MARCHF8: variants seen among roughly 807,000 people sequenced by gnomAD.
The protein encoded by MARCHF8 is E3 ubiquitin-protein ligase MARCHF8.
MARCHF8 carries 40 observed loss-of-function variants against 51.6 expected under a neutral mutation model. The observed-to-expected ratio is 0.77, with a 90% CI of 0.60 to 1.01. The LOEUF (loss-of-function observed/expected upper bound fraction) is 1.01, where lower values mean the gene tolerates loss of function less well. MARCHF8 is among the 50% of genes least tolerant of loss of function. The probability of loss-of-function intolerance (pLI) is 0.00; values close to 1 mark genes in which losing one functional copy is unlikely to be tolerated. For missense variants in MARCHF8, 685 were observed against 708.6 expected, an observed-to-expected ratio of 0.97 and a Z score of 0.38; for synonymous variants, 263 against 280.3, an observed-to-expected ratio of 0.94 and a Z score of 0.62.
intron 2 of MARCHF8, among the ~76,000 whole-genome samples, chr10:45,495,376 A>G (rs2043154506): frequency 6.6e-6 from 1 of 151,916 alleles, no homozygotes; most frequent in Non-Finnish European, 1.5e-5. Context: ...CTCATTGTTT[A>G]ATAGAAGACA....
Position 45,458,499 on chromosome 10 carries a change from T to TTTA in MARCHF8, c.1461_1462insTAA (p.Ala487_Ile488insTer). ...AAAAGAAGTCCTCCGGTGAAGCCGA[T>TTTA]GGCCACAACCACCAATTTAGTCCAA... On this transcript the variant is annotated stop_gained and inframe_insertion, in exon 8 of 8. Transcript: ENST00000453424. LOFTEE classifies it high-confidence loss of function. 6.2e-7 allele frequency: 1 copy of TTTA among 1,611,176 alleles called. No homozygotes were observed. Among genetic ancestry groups the TTTA allele is most frequent in the Non-Finnish European group, 8.5e-7 (1 of 1,179,008 alleles).
chr10:45,574,835 C>T (rs1006475838), intron 1 of MARCHF8, among the ~76,000 whole-genome samples: 10 of 152,044 alleles, frequency 6.6e-5, no homozygotes, highest in Admixed American at 3.9e-4. Flanking sequence ...TTCTGCCCAC[C>T]CCACTACCTC....
At chr10:45,556,750 G>A (rs2044255656) in intron 1 of MARCHF8, among the ~76,000 whole-genome samples, 1 of 152,158 alleles carries the variant, frequency 6.6e-6, no homozygotes, top group Admixed American at 6.5e-5. Context: ...CCCAGGAAGT[G>A]CTCAATAAAT....
chr10:45,552,961 A>C (rs1028778035), intron 1 of MARCHF8, among the ~76,000 whole-genome samples: 1 of 152,246 alleles, frequency 6.6e-6, no homozygotes, highest in Non-Finnish European at 1.5e-5. Flanking sequence ...TATTTCTATA[A>C]AACCTATGTT....
chr10:45,488,606 C>A (rs536730721), intron 3 of MARCHF8, among the ~76,000 whole-genome samples: 1 of 152,302 alleles, frequency 6.6e-6, no homozygotes, highest in South Asian at 2.1e-4. Flanking sequence ...ACTGCTCCTG[C>A]CAACAGAAGG....
At chr10:45,458,686 G>T in intron 7 of MARCHF8, 143 bp from the exon 8 acceptor site, 1 of 896,878 alleles carries the variant, frequency 1.1e-6, no homozygotes, top group Non-Finnish European at 1.6e-6. Context: ...TGTTGCCCAG[G>T]CTGGAGTGCA....
intron 1 of MARCHF8, among the ~76,000 whole-genome samples, chr10:45,533,628 A>G (rs1034153025): frequency 1.3e-5 from 2 of 152,140 alleles, no homozygotes; most frequent in African/African-American, 4.8e-5. Context: ...TATCATGACC[A>G]AGCATTTGTC....
intron 2 of MARCHF8, among the ~76,000 whole-genome samples, chr10:45,525,620 G>A (rs976082932): frequency 6.6e-6 from 1 of 152,144 alleles, no homozygotes; most frequent in African/African-American, 2.4e-5. Context: ...TACAAAAGGG[G>A]AGAAAAAGAG....
chr10:45,523,158 C>T (rs1421537851), intron 2 of MARCHF8, among the ~76,000 whole-genome samples: 1 of 152,166 alleles, frequency 6.6e-6, no homozygotes, highest in Non-Finnish European at 1.5e-5. Context: ...AATAACATCA[C>T]ATATCAAAAG....
At chr10:45,570,552 A>G (rs754310119) in intron 1 of MARCHF8, among the ~76,000 whole-genome samples, 19 of 152,344 alleles carry the variant, frequency 1.2e-4, no homozygotes, top group Middle Eastern at 3.4e-3. Flanking sequence ...GCAACATGGC[A>G]AAGATAGTGA....
chr10:45,557,437 G>A lies in MARCHF8; in HGVS notation c.-78-24148C>T, dbSNP rs147528980. Among the ~76,000 whole-genome samples, 4 of 152,076 alleles carry A rather than the reference G, an allele frequency of 2.6e-5. No individual in the cohort carries two copies. In the East Asian group the frequency reaches 7.7e-4, roughly 29 times the overall value. Reference sequence around the variant, plus strand: ...AGACACCACGCCTGGCCCAAAAGGTGCTTATTCTTAATACTTCCTACCCAT... The same window carrying A: ...AGACACCACGCCTGGCCCAAAAGGTACTTATTCTTAATACTTCCTACCCAT... On this transcript the variant is annotated intron_variant, in intron 1 of 6. Coordinates refer to the MARCHF8 transcript ENST00000319836.
Position 45,458,470 on chromosome 10 carries a change from C to A in MARCHF8, c.1491G>T (p.Met497Ile). Residue 497 changes from methionine to isoleucine, a missense_variant, in exon 8 of 8, where the codon ATG becomes ATT. Coordinates refer to ENST00000453424, the MANE Select transcript of MARCHF8 (RefSeq NM_001282866.2). ...GCACATACACTTTACACTGAACATACATAAAAAGAAGTCCTCCGGTGAAGC... is the reference window on the plus strand; with the variant it reads ...GCACATACACTTTACACTGAACATAAATAAAAAGAAGTCCTCCGGTGAAGC... ...AIGFTGGLLF[M>I]YVQCKVYVQL... 1 of 1,613,562 alleles carries A rather than the reference C, an allele frequency of 6.2e-7. No individual in the cohort carries two copies. The highest frequency in any genetic ancestry group is 8.5e-7 in the Non-Finnish European group (1 of 1,179,860).
chr10:45,494,888 G>A (rs1299435465), intron 2 of MARCHF8, among the ~76,000 whole-genome samples: 1 of 152,220 alleles, frequency 6.6e-6, no homozygotes, highest in African/African-American at 2.4e-5. Context: ...GGGAGGCCGA[G>A]GTGGGAGGAT....
intron 2 of MARCHF8, among the ~76,000 whole-genome samples, chr10:45,505,342 C>A (rs934520128): frequency 6.6e-6 from 1 of 152,224 alleles, no homozygotes; most frequent in Non-Finnish European, 1.5e-5. Flanking sequence ...CAAGAGACTG[C>A]CTGACTTCAC....
At chr10:45,572,759 T>C (rs578049502) in intron 1 of MARCHF8, among the ~76,000 whole-genome samples, 2 of 152,086 alleles carry the variant, frequency 1.3e-5, no homozygotes, top group African/African-American at 2.4e-5. Flanking sequence ...TACTGACCCA[T>C]CTGACCTCTC....
chr10:45,588,998 C>CAAAAA (rs72350925), intron 1 of MARCHF8, among the ~76,000 whole-genome samples: 2 of 87,672 alleles, frequency 2.3e-5, no homozygotes, highest in Non-Finnish European at 4.3e-5. Context: ...GACTACGTTT[C>CAAAAA]AAAAAAAAAA....
chr10:45,508,332 G>GT (rs1188284545), intron 2 of MARCHF8, among the ~76,000 whole-genome samples: 1 of 114,294 alleles, frequency 8.7e-6, no homozygotes, highest in East Asian at 2.6e-4. Flanking sequence ...TTCTTTCACA[G>GT]TAAAAAAAAA....
intron 1 of MARCHF8, among the ~76,000 whole-genome samples, chr10:45,579,332 T>A: frequency 6.6e-6 from 1 of 150,542 alleles, no homozygotes; most frequent in East Asian, 1.9e-4. Context: ...AAGTTACACA[T>A]AAAGCAAAAG....
intron 3 of MARCHF8, among the ~76,000 whole-genome samples, chr10:45,481,682 C>T (rs182038170): frequency 6.6e-6 from 1 of 152,266 alleles, no homozygotes; most frequent in Admixed American, 6.5e-5. Flanking sequence ...TCCCCAGCCA[C>T]ATGGAACTGT....
Sources: allele counts gnomAD v4.1 joint callset (sites outside exome capture counted in the v4.1 genomes callset), GRCh38; gene constraint gnomAD v4.1.1; transcripts MANE v1.5; gene names NCBI Gene and HGNC (gene_info 2026-07-23, HGNC 2026-07-21).